ARHGAP15: variants seen among roughly 807,000 people sequenced by gnomAD.
ARHGAP15 encodes the protein rho GTPase-activating protein 15.
Under a neutral mutation model 63.7 loss-of-function variants are expected in ARHGAP15, and 51 were observed. That is an observed-to-expected ratio of 0.80 (90% CI 0.64 to 1.01). The LOEUF (loss-of-function observed/expected upper bound fraction) is 1.01, where lower values mean the gene tolerates loss of function less well. ARHGAP15 is among the 50% of genes least tolerant of loss of function. The pLI is 0.00. For missense variants in ARHGAP15, 560 were observed against 564.6 expected (o/e 0.99, Z 0.08); for synonymous variants, 191 against 193.8 (o/e 0.99, Z 0.12).
In ARHGAP15 at chr2:143,515,413, T is replaced by A. The variant is rs1693771185; in HGVS notation, c.827-3853T>A. Among the ~76,000 whole-genome samples the A allele has an allele frequency of 2.6e-5, 4 of 152,220 alleles. No individual in the cohort carries two copies. The South Asian group carries it at 8.3e-4, about 31-fold the overall frequency. ...TTGGTTTAAAAGCTCAGAAGTGTCATCAGGGTCTCAAGTTTTGTTGCTTAT... is the reference window on the plus strand; with the variant it reads ...TTGGTTTAAAAGCTCAGAAGTGTCAACAGGGTCTCAAGTTTTGTTGCTTAT... On this transcript the variant is annotated intron_variant, in intron 9 of 13. Transcript: ENST00000295095.
intron 5 of ARHGAP15, among the ~76,000 whole-genome samples, chr2:143,232,077 A>C (rs1693467343): frequency 6.6e-6 from 1 of 152,220 alleles, no homozygotes; most frequent in Non-Finnish European, 1.5e-5. Flanking sequence ...AAGCAGCCTT[A>C]CTGTGCAAAT....
chr2:143,221,502 G>T (rs1340334073), intron 4 of ARHGAP15, among the ~76,000 whole-genome samples: 1 of 152,164 alleles, frequency 6.6e-6, no homozygotes, highest in Non-Finnish European at 1.5e-5. Flanking sequence ...CTATGCCTTA[G>T]CTTATCTGAT....
At chr2:143,225,671 A>G (rs1558825478) in intron 4 of ARHGAP15, among the ~76,000 whole-genome samples, 1 of 152,218 alleles carries the variant, frequency 6.6e-6, no homozygotes, top group African/African-American at 2.4e-5. Flanking sequence ...CGAACAGATT[A>G]TAGGTTTTGG....
intron 6 of ARHGAP15, among the ~76,000 whole-genome samples, chr2:143,330,388 T>C (rs1684494338): frequency 6.6e-6 from 1 of 152,016 alleles, no homozygotes; most frequent in East Asian, 1.9e-4. Context: ...ACTTGCATAA[T>C]AGAAACAAAT....
chr2:143,218,074 A>G (rs1692828631), intron 4 of ARHGAP15, among the ~76,000 whole-genome samples: 1 of 152,044 alleles, frequency 6.6e-6, no homozygotes, highest in African/African-American at 2.4e-5. Flanking sequence ...CCCCCAGCCA[A>G]CTCACATGAA....
chr2:143,212,788 C>T (rs919757160), intron 3 of ARHGAP15, among the ~76,000 whole-genome samples: 11 of 152,124 alleles, frequency 7.2e-5, no homozygotes, highest in South Asian at 2.1e-4. Flanking sequence ...ATACTTCTTT[C>T]GGCACACTAT....
chr2:143,673,648 T>TA (rs1202669556), intron 12 of ARHGAP15, among the ~76,000 whole-genome samples: 2 of 144,914 alleles, frequency 1.4e-5, no homozygotes, highest in Admixed American at 6.9e-5. Flanking sequence ...AAGTCACCAT[T>TA]AAAAAAAATG....
intron 6 of ARHGAP15, among the ~76,000 whole-genome samples, chr2:143,264,299 T>TA (rs1680885857): frequency 6.6e-6 from 1 of 152,128 alleles, no homozygotes; most frequent in African/African-American, 2.4e-5. Context: ...GACCCAGCAA[T>TA]AGGCCAGAAG....
intron 6 of ARHGAP15, among the ~76,000 whole-genome samples, chr2:143,344,843 A>G (rs1255499929): frequency 3.9e-5 from 6 of 152,156 alleles, no homozygotes; most frequent in Non-Finnish European, 8.8e-5. Context: ...TAAACAAGTA[A>G]ACTACAAGGA....
intron 8 of ARHGAP15, among the ~76,000 whole-genome samples, chr2:143,466,913 C>G (rs565403482): frequency 1.9e-4 from 29 of 152,186 alleles, no homozygotes; most frequent in African/African-American, 6.7e-4. Context: ...CATGTTCATT[C>G]CAAACACAAA....
chr2:143,248,841 G>C lies in ARHGAP15; in HGVS notation c.385-1670G>C, dbSNP rs1269561985. ...AACGAATTATCAATAATTGTTGTAC[G>C]TAGGTAAGTACCTGGAACATAAAAA... On this transcript the variant is annotated intron_variant, in intron 5 of 13. Transcript: ENST00000295095. 2.0e-5 allele frequency among the ~76,000 whole-genome samples: 3 copies of C among 152,090 alleles called. No individual in the cohort carries two copies. In the East Asian group the frequency reaches 5.8e-4, roughly 29 times the overall value.
chr2:143,475,287 A>G (rs1003186219), intron 8 of ARHGAP15, among the ~76,000 whole-genome samples: 1 of 152,060 alleles, frequency 6.6e-6, no homozygotes, highest in African/African-American at 2.4e-5. Context: ...AGGACAAACC[A>G]CCCCACTATC....
chr2:143,419,579 C>G (rs1455415204), intron 6 of ARHGAP15, among the ~76,000 whole-genome samples: 1 of 150,824 alleles, frequency 6.6e-6, no homozygotes, highest in Non-Finnish European at 1.5e-5. Context: ...GAAAAGCCTT[C>G]ATGATATGTT....
chr2:143,543,465 T>C (rs567927316), intron 10 of ARHGAP15, among the ~76,000 whole-genome samples: 2 of 152,250 alleles, frequency 1.3e-5, no homozygotes, highest in Admixed American at 6.5e-5. Flanking sequence ...TCCTGTCAAA[T>C]GTATATTTTG....
intron 6 of ARHGAP15, among the ~76,000 whole-genome samples, chr2:143,251,549 G>GA (rs2104980943): frequency 6.6e-6 from 1 of 152,072 alleles, no homozygotes; most frequent in African/African-American, 2.4e-5. Flanking sequence ...GTATTTTCCA[G>GA]ATGCTATTCA....
At chr2:143,684,276 G>A (rs974936874) in intron 12 of ARHGAP15, among the ~76,000 whole-genome samples, 1 of 152,132 alleles carries the variant, frequency 6.6e-6, no homozygotes, top group African/African-American at 2.4e-5. Context: ...TTGTGCCACT[G>A]AATAAAAATG....
rs35469918 is a variant in ARHGAP15 at position 143,510,018 on chromosome 2, T to TAAAAAA, written c.827-9224_827-9219dup. On this transcript the variant is annotated intron_variant, in intron 9 of 13. Transcript: ENST00000295095. ...CTGGCGACAGAGTAAGACTCCCTCT[T>TAAAAAA]AAAAAAAAAAAAAAAAAAAAAAAAA... Among the ~76,000 whole-genome samples the TAAAAAA allele has an allele frequency of 3.6e-3, 176 of 48,822 alleles. 2 individuals carry two copies. Among genetic ancestry groups the TAAAAAA allele is most frequent in the African/African-American group, 9.3e-3 (119 of 12,780 alleles). 32.0% of individuals were successfully genotyped at this position (48,822 alleles called of 152,430 possible).
At chr2:143,741,102 G>A (rs1034322161) in intron 13 of ARHGAP15, 7 of 152,202 alleles carry the variant, frequency 4.6e-5, no homozygotes, top group South Asian at 2.1e-4. Context: ...GCATTGCCCA[G>A]TAGTGGTCCC....
chr2:143,173,341 A>G (rs1270228009), intron 2 of ARHGAP15, among the ~76,000 whole-genome samples: 2 of 152,078 alleles, frequency 1.3e-5, no homozygotes, highest in East Asian at 3.8e-4. Flanking sequence ...AAAACTAAGC[A>G]ATTTTAGAGA....
Sources: gnomAD v4.1 joint callset for allele counts (sites outside exome capture counted in the v4.1 genomes callset) on GRCh38, gnomAD v4.1.1 for gene constraint, MANE v1.5 for transcripts, NCBI Gene and HGNC (gene_info 2026-07-23, HGNC 2026-07-21) for gene names.